JMJD1C: variants seen among roughly 807,000 people sequenced by gnomAD.
The protein encoded by JMJD1C is jumonji domain-containing protein 1C.
Under a neutral mutation model 245.3 loss-of-function variants are expected in JMJD1C, and 31 were observed. That is an observed-to-expected ratio of 0.13 (90% CI 0.09 to 0.17). The LOEUF (loss-of-function observed/expected upper bound fraction) is 0.17, where lower values mean the gene tolerates loss of function less well. Ranked by LOEUF, JMJD1C falls within the 10% of genes least tolerant of loss-of-function variation. The pLI, the probability that JMJD1C is intolerant of heterozygous loss-of-function variation, is 1.00. For synonymous variants in JMJD1C, 1,057 were observed against 1,017.4 expected (o/e 1.04, Z -0.74); for missense variants, 2,691 against 3,000.2 (o/e 0.90, Z 2.41).
chr10:63,348,499 G>C (rs1027512890), intron 2 of JMJD1C, among the ~76,000 whole-genome samples: 1 of 152,158 alleles, frequency 6.6e-6, no homozygotes, highest in African/African-American at 2.4e-5. Context: ...TTAATCCTAG[G>C]TCTGCCATTC....
chr10:63,205,971 G>A (rs761070288), intron 10 of JMJD1C, among the ~76,000 whole-genome samples: 3 of 152,240 alleles, frequency 2.0e-5, no homozygotes, highest in Admixed American at 6.5e-5. Flanking sequence ...TTACAGGAGT[G>A]AGCCACTGTG....
intron 3 of JMJD1C, among the ~76,000 whole-genome samples, chr10:63,226,714 C>CA (rs35375607): frequency 0.37 from 31,073 of 84,856 alleles, 6,185 homozygotes; most frequent in African/African-American, 0.4. Flanking sequence ...AACCCTGTTT[C>CA]AAAAAAAAAA....
At chr10:63,247,128 AAAC>A (rs1852321635) in intron 3 of JMJD1C, among the ~76,000 whole-genome samples, 3 of 151,256 alleles carry the variant, frequency 2.0e-5, no homozygotes, top group African/African-American at 7.2e-5. Flanking sequence ...AAAAACAAAA[AAAC>A]AAAAAACAGA....
intron 1 of JMJD1C, among the ~76,000 whole-genome samples, chr10:63,440,365 T>TATAGAGAG (rs749850334): frequency 3.6e-5 from 5 of 138,248 alleles, no homozygotes; most frequent in East Asian, 2.0e-4. Flanking sequence ...TATATATATA[T>TATAGAGAG]AGAGAGAGAG....
At chr10:63,505,791 C>T (rs941501399) in intron 1 of JMJD1C, among the ~76,000 whole-genome samples, 7 of 150,788 alleles carry the variant, frequency 4.6e-5, no homozygotes, top group Admixed American at 6.7e-5. Flanking sequence ...AGCTTTTAAA[C>T]ACATACTAGA....
At position 63,208,570 on chromosome 10, in the gene JMJD1C, A is replaced by C. The variant is rs778908359; in HGVS notation, c.3099T>G (p.Ala1033=). The C allele has an allele frequency of 6.2e-7, 1 of 1,614,074 alleles. No homozygotes were observed. The highest frequency in any genetic ancestry group is 1.1e-5 in the South Asian group (1 of 91,072). ...RRILQESIDV[A]PFTTKIKGLE... ...GTCCCTTGATTTTAGTTGTAAAGGG[A>C]GCAACATCAATACTTTCTTGAAGAA... The change falls in exon 10 of 26, where the codon GCT becomes GCG. Residue 1033 remains alanine, a synonymous_variant. Transcript: ENST00000399262.
At chr10:63,425,944 AT>A (rs1336546091) in intron 1 of JMJD1C, among the ~76,000 whole-genome samples, 8 of 152,244 alleles carry the variant, frequency 5.3e-5, no homozygotes, top group Admixed American at 4.6e-4. Context: ...AATGTTTACT[AT>A]GTAAGTTAGG....
chr10:63,260,180 G>A (rs889991674), intron 3 of JMJD1C, among the ~76,000 whole-genome samples: 3 of 152,132 alleles, frequency 2.0e-5, no homozygotes, highest in African/African-American at 4.8e-5. Context: ...ACCACATTCC[G>A]TATCAAATCT....
At chr10:63,478,468 T>C (rs770113720) in intron 1 of JMJD1C, among the ~76,000 whole-genome samples, 1 of 152,198 alleles carries the variant, frequency 6.6e-6, no homozygotes, top group African/African-American at 2.4e-5. Context: ...AATATAGATA[T>C]GGATGAAGCT....
At chr10:63,278,541 G>GCAAA (rs895284593) in intron 2 of JMJD1C, among the ~76,000 whole-genome samples, 4 of 150,174 alleles carry the variant, frequency 2.7e-5, no homozygotes, top group Middle Eastern at 3.2e-3. Context: ...TCAAAAGCAA[G>GCAAA]CAAACAAACA....
At chr10:63,334,590 T>C (rs931599980) in intron 2 of JMJD1C, among the ~76,000 whole-genome samples, 1 of 152,034 alleles carries the variant, frequency 6.6e-6, no homozygotes, top group African/African-American at 2.4e-5. Flanking sequence ...GGCGTGGTGG[T>C]ATGTGCTATA....
At position 63,465,618 on chromosome 10, in the gene JMJD1C, C is replaced by G. The variant is rs756992665; in HGVS notation, c.45G>C (p.Leu15=). Residue 15 remains leucine (L), a synonymous_variant, in exon 1 of 26, where the codon CTG becomes CTC. Transcript: ENST00000399262. ...TRAELVGKRF[L]CVAVGDEARS... ...GTGCCTCGTCGCCGACCGCCACACA[C>G]AGGAACCGCTTACCCACCAGCTCTG... The G allele has an allele frequency of 1.5e-4, 239 of 1,610,144 alleles. 1 individual carries two copies. The highest frequency in any genetic ancestry group is 1.9e-4 in the Non-Finnish European group (221 of 1,179,896).
intron 1 of JMJD1C, among the ~76,000 whole-genome samples, chr10:63,504,754 G>C (rs987911643): frequency 6.6e-6 from 1 of 152,108 alleles, no homozygotes; most frequent in Non-Finnish European, 1.5e-5. Context: ...ATAGAAATAG[G>C]GGGCCAGACA....
chr10:63,215,321 G>A lies in JMJD1C; in HGVS notation c.957C>T (p.Ser319=), dbSNP rs755964347. 2 of 1,613,358 alleles carry A rather than the reference G, an allele frequency of 1.2e-6. No homozygotes were observed. The highest frequency in any genetic ancestry group is 1.1e-5 in the South Asian group (1 of 91,062). ...IRPNKRKGSD[S]SIPDEEKMKE... is the part of the protein sequence containing the mutation. Reference sequence around the variant, plus strand: ...TCATCTTCTCTTCATCTGGTATACTGCTATCTGAGCCCTTCCTCTTATTTG... The same window carrying A: ...TCATCTTCTCTTCATCTGGTATACTACTATCTGAGCCCTTCCTCTTATTTG... Residue 319 remains serine, a synonymous_variant, in exon 7 of 26, where the codon AGC becomes AGT. Coordinates refer to ENST00000399262, the MANE Select transcript of JMJD1C (RefSeq NM_032776.3).
chr10:63,293,719 A>C (rs962838522), intron 2 of JMJD1C, among the ~76,000 whole-genome samples: 1 of 152,168 alleles, frequency 6.6e-6, no homozygotes, highest in African/African-American at 2.4e-5. Context: ...TATTAATGAT[A>C]ACCTATAAGA....
chr10:63,224,787 G>C (rs72829185), intron 3 of JMJD1C, among the ~76,000 whole-genome samples: 7,800 of 152,192 alleles, frequency 0.051, 300 homozygotes, highest in African/African-American at 0.11. Flanking sequence ...TAATGGGCCG[G>C]GTGCGATGGC....
intron 2 of JMJD1C, among the ~76,000 whole-genome samples, chr10:63,356,594 AC>A (rs1944864783): frequency 6.6e-6 from 1 of 152,188 alleles, no homozygotes; most frequent in South Asian, 2.1e-4. Flanking sequence ...CTGCCTTTCA[AC>A]TTTACAATCA....
intron 1 of JMJD1C, among the ~76,000 whole-genome samples, chr10:63,399,116 T>C (rs1948695780): frequency 6.6e-6 from 1 of 152,208 alleles, no homozygotes; most frequent in South Asian, 2.1e-4. Context: ...CATCATAAAC[T>C]TTCCGGATTT....
chr10:63,439,552 T>C (rs945229471), intron 1 of JMJD1C, among the ~76,000 whole-genome samples: 2 of 152,160 alleles, frequency 1.3e-5, no homozygotes, highest in African/African-American at 4.8e-5. Flanking sequence ...CACTTACCAT[T>C]TGTTCATACA....
Sources: gnomAD v4.1 joint callset for allele counts (sites outside exome capture counted in the v4.1 genomes callset) on GRCh38, gnomAD v4.1.1 for gene constraint, MANE v1.5 for transcripts, NCBI Gene and HGNC (gene_info 2026-07-23, HGNC 2026-07-21) for gene names.